Variants in DDX1 observed in about 807,000 individuals in gnomAD.
The protein encoded by DDX1 is ATP-dependent RNA helicase DDX1.
In DDX1, 28 loss-of-function variants were observed where a neutral mutation model predicts 108.7. That is an observed-to-expected ratio of 0.26 (90% CI 0.19 to 0.35). DDX1 has a LOEUF of 0.35. Ranked by LOEUF, DDX1 falls within the 10% of genes least tolerant of loss-of-function variation. The probability of loss-of-function intolerance (pLI) is 1.00; values close to 1 mark genes in which losing one functional copy is unlikely to be tolerated. For missense variants in DDX1, 710 were observed against 884.5 expected, an observed-to-expected ratio of 0.80 and a Z score of 2.50; for synonymous variants, 295 against 288.9, an observed-to-expected ratio of 1.02 and a Z score of -0.21.
chr2:15,608,606 T>C (rs1394122461), intron 13 of DDX1, among the ~76,000 whole-genome samples: 1 of 149,342 alleles, frequency 6.7e-6, no homozygotes, highest in African/African-American at 2.4e-5. Context: ...GTCACCACTA[T>C]CAAATTTCAG....
intron 1 of DDX1, among the ~76,000 whole-genome samples, chr2:15,592,918 G>C (rs138723890): frequency 1.5e-5 from 2 of 132,436 alleles, no homozygotes; most frequent in East Asian, 5.1e-4. Context: ...TCTTTTTTGG[G>C]GGGGAGAATG....
intron 6 of DDX1, among the ~76,000 whole-genome samples, 176 bp downstream of exon 6, chr2:15,599,892 A>G (rs538545536): frequency 5.9e-5 from 9 of 152,392 alleles, no homozygotes; most frequent in Admixed American, 4.6e-4. Flanking sequence ...TAATGGAAAT[A>G]AATCTCAGCA....
At chr2:15,597,282 G>A (rs939083138) in intron 4 of DDX1, 93 bp from the exon 5 acceptor site, 14 of 764,602 alleles carry the variant, frequency 1.8e-5, no homozygotes, top group Admixed American at 1.7e-4. Flanking sequence ...ATGATTAGTT[G>A]ATGTGTGTGC....
chr2:15,606,306 A>G (rs1395407723), intron 12 of DDX1, 42 bp downstream of exon 12: 1 of 1,418,070 alleles, frequency 7.1e-7, no homozygotes, highest in Non-Finnish European at 9.9e-7. Flanking sequence ...AATAGTGAGA[A>G]TAATTGATGA....
rs1178422592 is a variant in DDX1 at position 15,602,581 on chromosome 2, G to T, written c.341G>T (p.Arg114Ile). 1 of 1,613,968 alleles carries T rather than the reference G, an allele frequency of 6.2e-7. No individual in the cohort carries two copies. The highest frequency in any genetic ancestry group is 2.2e-5 in the East Asian group (1 of 44,886). Reference sequence around the variant, plus strand: ...TCAGATGGTCTTTGTTGTCAAAGCAGAGAAGTAAAGGAATGGCATGGGTGT... The same window carrying T: ...TCAGATGGTCTTTGTTGTCAAAGCATAGAAGTAAAGGAATGGCATGGGTGT... The part of the protein sequence containing the change: ...IGSDGLCCQS[R>I]EVKEWHGCRA... Residue 114 changes from arginine to isoleucine, a missense_variant, in exon 7 of 26, where the codon AGA becomes ATA. Physicochemically the swap from Arg to Ile is moderately conservative, Grantham distance 97 (BLOSUM62 -3). This residue lies in a region of DDX1 where 661 missense variants were observed against 810.2 expected (regional missense o/e 0.82). Coordinates refer to ENST00000233084, the MANE Select transcript of DDX1 (RefSeq NM_004939.3).
chr2:15,601,896 T>C (rs1343207540), intron 6 of DDX1, among the ~76,000 whole-genome samples: 1 of 152,228 alleles, frequency 6.6e-6, no homozygotes, highest in East Asian at 1.9e-4. Flanking sequence ...TAAAACCATT[T>C]AGTATGTGGA....
At chr2:15,612,078 G>C (rs1573044137) in intron 13 of DDX1, among the ~76,000 whole-genome samples, 1 of 125,004 alleles carries the variant, frequency 8.0e-6, no homozygotes, top group Non-Finnish European at 1.6e-5. Flanking sequence ...GGGGCGGCTG[G>C]CTGGCGGGGC....
intron 14 of DDX1, 37 bp downstream of exon 14, chr2:15,613,321 T>C (rs377030864): frequency 3.4e-6 from 5 of 1,450,632 alleles, no homozygotes; most frequent in Middle Eastern, 2.0e-4. Context: ...CATAATGTCA[T>C]GGGCTGTCGT....
intron 18 of DDX1, among the ~76,000 whole-genome samples, chr2:15,622,005 C>G (rs1666019308): frequency 6.6e-6 from 1 of 152,134 alleles, no homozygotes; most frequent in African/African-American, 2.4e-5. Flanking sequence ...GCGAATTTTT[C>G]TAGAGAGATT....
chr2:15,613,625 A>G (rs1021673347), intron 14 of DDX1, among the ~76,000 whole-genome samples: 1 of 152,188 alleles, frequency 6.6e-6, no homozygotes, highest in Non-Finnish European at 1.5e-5. Flanking sequence ...AAGTAGAGGT[A>G]AAATAGATTG....
chr2:15,611,934 C>T (rs551541423), intron 13 of DDX1, among the ~76,000 whole-genome samples: 1 of 116,038 alleles, frequency 8.6e-6, no homozygotes, highest in Admixed American at 7.8e-5. Flanking sequence ...CCACCTTCCT[C>T]CCGGACGAGG....
At chr2:15,621,838 G>A (rs1001923553) in intron 18 of DDX1, among the ~76,000 whole-genome samples, 8 of 151,708 alleles carry the variant, frequency 5.3e-5, no homozygotes, top group Admixed American at 2.6e-4. Context: ...GTTTTCAGTA[G>A]AGATGAGGTT....
At chr2:15,600,998 A>G (rs1041856720) in intron 6 of DDX1, among the ~76,000 whole-genome samples, 2 of 151,996 alleles carry the variant, frequency 1.3e-5, no homozygotes, top group Middle Eastern at 3.2e-3. Flanking sequence ...CAAGAAACCT[A>G]AAGTTCCTCA....
intron 13 of DDX1, among the ~76,000 whole-genome samples, chr2:15,607,639 T>C (rs1454586311): frequency 6.6e-6 from 1 of 151,828 alleles, no homozygotes; most frequent in African/African-American, 2.4e-5. Context: ...CAGGCTGGAG[T>C]GTAGTGATAT....
chr2:15,609,294 T>G (rs1167745380), intron 13 of DDX1, among the ~76,000 whole-genome samples: 3 of 152,238 alleles, frequency 2.0e-5, no homozygotes, highest in Non-Finnish European at 4.4e-5. Flanking sequence ...AATTTATTGG[T>G]TAAGATGGTA....
rs558333848 is a variant in DDX1 at position 15,611,456 on chromosome 2, G to A, written c.957-1768G>A. Among the ~76,000 whole-genome samples, 3 of 146,066 alleles carry A rather than the reference G, an allele frequency of 2.1e-5. 1 individual carries two copies. On this transcript the variant is annotated intron_variant, in intron 13 of 25. Coordinates refer to ENST00000233084, the MANE Select transcript of DDX1 (RefSeq NM_004939.3). ...GAGGGGCTCCTCACCTCCCAGTAGG[G>A]ACGGCCGGGCAGAGGCTCCCCCCAC...
At position 15,595,307 on chromosome 2, in the gene DDX1, T is replaced by G. The variant is rs532542737; in HGVS notation, c.68+111T>G. ...TCTAGTTGGGTAAGTGAAAATCAGG[T>G]TTTTTTTGTGATTTTCTAAATTATG... On this transcript the variant is annotated intron_variant, in intron 2 of 25. Coordinates refer to ENST00000233084, the MANE Select transcript of DDX1 (RefSeq NM_004939.3). The G allele has an allele frequency of 8.1e-5, 84 of 1,034,946 alleles. 1 individual carries two copies. In the South Asian group the frequency reaches 1.1e-3, roughly 14 times the overall value. 64.1% of individuals were successfully genotyped at this position (1,034,946 alleles called of 1,614,324 possible).
intron 18 of DDX1, among the ~76,000 whole-genome samples, chr2:15,622,824 T>C (rs1372303833): frequency 6.6e-6 from 1 of 152,194 alleles, no homozygotes; most frequent in Non-Finnish European, 1.5e-5. Flanking sequence ...CTTAGAAATA[T>C]GTTGGGTCAC....
intron 13 of DDX1, among the ~76,000 whole-genome samples, chr2:15,608,260 G>C (rs944999335): frequency 1.1e-4 from 17 of 152,216 alleles, no homozygotes; most frequent in Admixed American, 8.5e-4. Context: ...CAGGTGTGGT[G>C]ACTCACGCCT....
Sources: gnomAD v4.1 joint callset for allele counts (sites outside exome capture counted in the v4.1 genomes callset) on GRCh38, gnomAD v4.1.1 for gene constraint, gnomAD v4.1.1 regional missense constraint, MANE v1.5 for transcripts, NCBI Gene and HGNC (gene_info 2026-07-23, HGNC 2026-07-21) for gene names.